The following SLC16A1 variants were observed in gnomAD, a reference collection of about 807,000 sequenced individuals.
SLC16A1 encodes the protein solute carrier family 16 member 1.
Under a neutral mutation model 32.2 loss-of-function variants are expected in SLC16A1, and 11 were observed. The ratio of observed to expected loss-of-function variants is 0.34; its 90% CI spans 0.21 to 0.56. The LOEUF is 0.56. Ranked by LOEUF, SLC16A1 falls within the 20% of genes least tolerant of loss-of-function variation. The probability of loss-of-function intolerance (pLI) is 0.87; values close to 1 mark genes in which losing one functional copy is unlikely to be tolerated. For missense variants in SLC16A1, 435 were observed against 615.0 expected (o/e 0.71, Z 3.10); for synonymous variants, 231 against 226.8 (o/e 1.02, Z -0.17).
chr1:112,934,215 C>G (rs1030063839), intron 1 of SLC16A1, among the ~76,000 whole-genome samples: 1 of 152,218 alleles, frequency 6.6e-6, no homozygotes, highest in Non-Finnish European at 1.5e-5. Context: ...TGAACACCAG[C>G]ATGATGCTCA....
rs568540802 is a variant in SLC16A1, at chr1:112,913,799, C to A, written c.*92G>T. 65 of 1,448,044 alleles carry A rather than the reference C, an allele frequency of 4.5e-5. No individual in the cohort carries two copies. Among genetic ancestry groups the A allele is most frequent in the Non-Finnish European group, 6.1e-5 (63 of 1,032,758 alleles). The allele number at this position is 1,448,044 out of a possible 1,614,324, so 89.7% of individuals were successfully genotyped here. On this transcript the variant is annotated 3_prime_UTR_variant, in exon 5 of 5. Coordinates refer to ENST00000369626, the MANE Select transcript of SLC16A1 (RefSeq NM_003051.4). ...TTTCCACACAAATGTCTACTATTTG[C>A]ATTGAGCACCACTGGTAGATTACAG... is the stretch of plus-strand genomic sequence containing the variant.
intron 1 of SLC16A1, among the ~76,000 whole-genome samples, chr1:112,953,488 C>T (rs980436336): frequency 1.4e-4 from 21 of 152,206 alleles, no homozygotes; most frequent in South Asian, 2.1e-4. Context: ...CAATCAGCTT[C>T]AAGACAAGAG....
chr1:112,946,593 G>A (rs1282033544), intron 1 of SLC16A1, among the ~76,000 whole-genome samples: 4 of 152,246 alleles, frequency 2.6e-5, no homozygotes, highest in South Asian at 2.1e-4. Flanking sequence ...TCGCTCTGTC[G>A]CCCAGGCTGT....
intron 1 of SLC16A1, among the ~76,000 whole-genome samples, chr1:112,950,665 A>ACATCCACC (rs1557857725): frequency 6.6e-6 from 1 of 152,134 alleles, no homozygotes; most frequent in East Asian, 1.9e-4. Flanking sequence ...GGTGGATGTG[A>ACATCCACC]ACCCTTCTTA....
chr1:112,937,100 A>G (rs1242279008), intron 1 of SLC16A1, among the ~76,000 whole-genome samples: 1 of 152,268 alleles, frequency 6.6e-6, no homozygotes, highest in African/African-American at 2.4e-5. Context: ...GAACACTTAA[A>G]AAATTTCAAA....
chr1:112,925,606 C>T (rs1198733039), intron 2 of SLC16A1, among the ~76,000 whole-genome samples: 4 of 151,554 alleles, frequency 2.6e-5, no homozygotes, highest in African/African-American at 7.3e-5. Flanking sequence ...CTTGTAATCC[C>T]GGACTCAAGT....
chr1:112,926,955 C>T (rs1648962496), intron 2 of SLC16A1, among the ~76,000 whole-genome samples: 1 of 149,028 alleles, frequency 6.7e-6, no homozygotes, highest in Non-Finnish European at 1.5e-5. Context: ...TAGAGTGAGA[C>T]CCCATCTCTA....
At chr1:112,923,451 C>CACCCAA (rs1231856850) in intron 2 of SLC16A1, 1 of 716,726 alleles carries the variant, frequency 1.4e-6, no homozygotes, top group African/African-American at 1.7e-5. Context: ...GTGTTGGGTG[C>CACCCAA]CATGGAGATG....
At chr1:112,915,153 T>C (rs1648456522) in intron 4 of SLC16A1, among the ~76,000 whole-genome samples, 1 of 152,102 alleles carries the variant, frequency 6.6e-6, no homozygotes, top group Non-Finnish European at 1.5e-5. Context: ...AGGATAAGGG[T>C]GAACAGAGGA....
chr1:112,952,579 T>TTGAGA (rs1649933494), intron 1 of SLC16A1, among the ~76,000 whole-genome samples: 1 of 152,222 alleles, frequency 6.6e-6, no homozygotes, highest in Non-Finnish European at 1.5e-5. Context: ...TCGAGAGTTA[T>TTGAGA]CTTTCAGATA....
intron 1 of SLC16A1, among the ~76,000 whole-genome samples, chr1:112,931,373 C>T (rs1649122192): frequency 6.6e-6 from 1 of 151,972 alleles, no homozygotes; most frequent in African/African-American, 2.4e-5. Context: ...AGGCCAGGCG[C>T]AGTGGCTCAC....
rs1648576770 is a variant in SLC16A1 at position 112,917,987 on chromosome 1, T to C, written c.419A>G (p.Tyr140Cys). Residue 140 changes from tyrosine to cysteine, a missense_variant, in exon 4 of 5, where the codon TAC becomes TGC. This residue lies in a region of SLC16A1 where 324 missense variants were observed against 500.3 expected (regional missense o/e 0.65). Transcript: ENST00000369626. The surrounding 1 kb of genome is among the most constrained non-coding windows in gnomAD (Gnocchi z 4.1). Reference protein sequence around the residue: ...PALTMIGKYFYKRRPLANGLA... With the variant: ...PALTMIGKYFCKRRPLANGLA... ...TCCGTTGGCCAATGGTCGCCTCTTG[T>C]AGAAATACTTGCCAATCATGGTCAG... The C allele has an allele frequency of 1.3e-6, 2 of 1,593,844 alleles. No individual in the cohort carries two copies. The highest frequency in any genetic ancestry group is 1.9e-5 in the Admixed American group (1 of 53,776).
In SLC16A1 at chr1:112,913,765, C is replaced by CCCATCAT. The variant is rs1394093138; in HGVS notation, c.*125_*126insATGATGG. ...AAACAAAAATCCCATCAATGAACAACTGGTATGATTTCCACACAAATGTCT... is the reference window on the plus strand; with the variant it reads ...AAACAAAAATCCCATCAATGAACAACCCATCATTGGTATGATTTCCACACAAATGTCT... On this transcript the variant is annotated 3_prime_UTR_variant, in exon 5 of 5. Coordinates refer to ENST00000369626, the MANE Select transcript of SLC16A1 (RefSeq NM_003051.4). 189 of 1,190,512 alleles carry CCCATCAT rather than the reference C, an allele frequency of 1.6e-4. No homozygotes were observed. Among genetic ancestry groups the CCCATCAT allele is most frequent in the Non-Finnish European group, 2.2e-4 (178 of 807,326 alleles). The allele number at this position is 1,190,512 out of a possible 1,614,324, so 73.7% of individuals were successfully genotyped here.
In SLC16A1 at chr1:112,932,793, C is replaced by CAAAAAAAAAA; in HGVS notation, c.-44-3451_-44-3442dup. Among the ~76,000 whole-genome samples, 2 of 57,118 alleles carry CAAAAAAAAAA rather than the reference C, an allele frequency of 3.5e-5. 1 individual carries two copies. The highest frequency in any genetic ancestry group is 6.3e-5 in the Non-Finnish European group (2 of 31,552). 37.5% of individuals were successfully genotyped at this position (57,118 alleles called of 152,430 possible). ...TGGGTGACAAGGGGAGACTCCGTCGCAAAAAAAAAAAAAAAAAAAGGCCTG... is the reference window on the plus strand; with the variant it reads ...TGGGTGACAAGGGGAGACTCCGTCGCAAAAAAAAAAAAAAAAAAAAAAAAAAAAAGGCCTG... On this transcript the variant is annotated intron_variant, in intron 1 of 4. Coordinates refer to ENST00000369626, the MANE Select transcript of SLC16A1 (RefSeq NM_003051.4).
intron 2 of SLC16A1, chr1:112,923,515 C>G (rs748925903): frequency 2.0e-6 from 2 of 1,005,888 alleles, no homozygotes; most frequent in African/African-American, 1.6e-5. Context: ...AAGATAGACA[C>G]GGCCTTCGTG....
At chr1:112,930,212 G>C (rs564985041) in intron 1 of SLC16A1, among the ~76,000 whole-genome samples, 3 of 152,168 alleles carry the variant, frequency 2.0e-5, no homozygotes, top group Admixed American at 2.0e-4. Flanking sequence ...AAGGGCCTTA[G>C]TCTTGTGCAA....
rs757326315 is a variant in SLC16A1, at chr1:112,929,270, G to T, written c.39C>A (p.Pro13=). 2.5e-6 allele frequency: 4 copies of T among 1,613,970 alleles called. No homozygotes were observed. The highest frequency in any genetic ancestry group is 2.2e-5 in the East Asian group (1 of 44,892). The change falls in exon 2 of 5, where the codon CCC becomes CCA. Residue 13 remains proline (P), a synonymous_variant. Coordinates refer to ENST00000369626, the MANE Select transcript of SLC16A1 (RefSeq NM_003051.4). ...CTGCCCAGCCCCAGCCTCCATCTGG[G>T]GGGGTGTATCCAACTGGACCTCCAA... is the stretch of plus-strand genomic sequence containing the variant. ...PAVGGPVGYT[P]PDGGWGWAVV...
In SLC16A1 at chr1:112,911,851, T is replaced by C. The variant is rs1164463603; in HGVS notation, c.*2040A>G. ...ATAAAGATGAGGAAAAAGTTATTTATACTTGCTTTACTTTTATTTTTTCAG... is the reference window on the plus strand; with the variant it reads ...ATAAAGATGAGGAAAAAGTTATTTACACTTGCTTTACTTTTATTTTTTCAG... On this transcript the variant is annotated 3_prime_UTR_variant, in exon 5 of 5. Transcript: ENST00000369626. 1 of 152,262 alleles carries C rather than the reference T, an allele frequency of 6.6e-6. No homozygotes were observed. Among genetic ancestry groups the C allele is most frequent in the Non-Finnish European group, 1.5e-5 (1 of 68,044 alleles). The allele number at this position is 152,262 out of a possible 1,614,324, so 9.4% of individuals were successfully genotyped here.
At chr1:112,932,831 A>T (rs937497258) in intron 1 of SLC16A1, among the ~76,000 whole-genome samples, 7 of 151,308 alleles carry the variant, frequency 4.6e-5, no homozygotes, top group African/African-American at 1.7e-4. Flanking sequence ...TCTAAAAAAT[A>T]AATAATAAAT....
Sources: allele counts gnomAD v4.1 joint callset (sites outside exome capture counted in the v4.1 genomes callset), GRCh38; gene constraint gnomAD v4.1.1; regional missense constraint gnomAD v4.1.1; non-coding constraint Gnocchi (gnomAD v3.1); transcripts MANE v1.5; gene names NCBI Gene and HGNC (gene_info 2026-07-23, HGNC 2026-07-21).